SH3GL3: variants seen among roughly 807,000 people sequenced by gnomAD.
The protein encoded by SH3GL3 is endophilin-A3.
Under a neutral mutation model 47.7 loss-of-function variants are expected in SH3GL3, and 33 were observed. That is an observed-to-expected ratio of 0.69 (90% CI 0.52 to 0.92). The LOEUF is 0.92. Among genes scored for constraint, SH3GL3 ranks in the 40% least tolerant of loss-of-function variants. The pLI, the probability that SH3GL3 is intolerant of heterozygous loss-of-function variation, is 0.00. For missense variants in SH3GL3, 363 were observed against 417.8 expected (o/e 0.87, Z 1.14); for synonymous variants, 155 against 148.8 (o/e 1.04, Z -0.30).
intron 8 of SH3GL3, chr15:83,609,246 A>C (rs1450716405): frequency 4.4e-6 from 2 of 456,084 alleles, no homozygotes; most frequent in Non-Finnish European, 8.8e-6. Context: ...TTAATGTTAC[A>C]TAATCGGTTA....
intron 8 of SH3GL3, among the ~76,000 whole-genome samples, chr15:83,600,809 T>A (rs2060360222): frequency 6.6e-6 from 1 of 152,226 alleles, no homozygotes; most frequent in Admixed American, 6.5e-5. Context: ...ACAATATTGA[T>A]TCTGCCCATC....
chr15:83,519,759 C>A (rs1029213523), intron 1 of SH3GL3, among the ~76,000 whole-genome samples: 2 of 152,060 alleles, frequency 1.3e-5, no homozygotes, highest in African/African-American at 4.8e-5. Context: ...CAAGTTTATC[C>A]TTCTTTTCCG....
At chr15:83,525,195 A>G (rs959688227) in intron 1 of SH3GL3, among the ~76,000 whole-genome samples, 1 of 151,914 alleles carries the variant, frequency 6.6e-6, no homozygotes, top group African/African-American at 2.4e-5. Context: ...GTTGATAGCC[A>G]TTCGAATTTG....
chr15:83,568,518 A>G lies in SH3GL3; in HGVS notation c.188-11A>G, dbSNP rs1169447756. 1.9e-6 allele frequency: 3 copies of G among 1,608,876 alleles called. No homozygotes were observed. The highest frequency in any genetic ancestry group is 1.3e-5 in the African/African-American group (1 of 74,926). ...TAACTTTAAAGAATTACAAATGACA[A>G]TGTTTTTAAGCATACAGAGCTAAGC... On this transcript the variant is annotated splice_polypyrimidine_tract_variant and intron_variant, in intron 3 of 8. Coordinates refer to ENST00000427482, the MANE Select transcript of SH3GL3 (RefSeq NM_003027.5).
At chr15:83,470,586 T>A (rs1396104260) in intron 1 of SH3GL3, among the ~76,000 whole-genome samples, 1 of 152,228 alleles carries the variant, frequency 6.6e-6, no homozygotes, top group Non-Finnish European at 1.5e-5. Context: ...CTACTCTACC[T>A]GTCTTCCTTT....
At chr15:83,463,596 T>C (rs1467714524) in intron 1 of SH3GL3, among the ~76,000 whole-genome samples, 2 of 152,162 alleles carry the variant, frequency 1.3e-5, no homozygotes, top group African/African-American at 4.8e-5. Context: ...TAATTTTCTC[T>C]GATGTCTTTT....
chr15:83,571,579 GT>G (rs921970348), intron 4 of SH3GL3, among the ~76,000 whole-genome samples: 59 of 147,582 alleles, frequency 4.0e-4, no homozygotes, highest in Middle Eastern at 3.5e-3. Flanking sequence ...GTATCTTTCT[GT>G]TTTTTTTTTA....
chr15:83,526,623 A>T (rs1025546810), intron 1 of SH3GL3, among the ~76,000 whole-genome samples: 2 of 152,136 alleles, frequency 1.3e-5, no homozygotes, highest in African/African-American at 4.8e-5. Flanking sequence ...ATGAGAACAC[A>T]TGGACTCTTA....
At chr15:83,557,855 C>T (rs184476801) in intron 1 of SH3GL3, among the ~76,000 whole-genome samples, 1 of 152,296 alleles carries the variant, frequency 6.6e-6, no homozygotes, top group African/African-American at 2.4e-5. Flanking sequence ...AACTCTAGCT[C>T]GGAGGAACTG....
intron 1 of SH3GL3, among the ~76,000 whole-genome samples, chr15:83,470,332 C>T (rs1459030129): frequency 6.6e-6 from 1 of 152,190 alleles, no homozygotes; most frequent in Admixed American, 6.5e-5. Flanking sequence ...TCAAGTGATT[C>T]TCCTGCCTCA....
chr15:83,568,973 T>G (rs2082018), intron 4 of SH3GL3, among the ~76,000 whole-genome samples: 15,511 of 150,588 alleles, frequency 0.1, 944 homozygotes, highest in East Asian at 0.24. Context: ...CTTGGCTCAC[T>G]GCAGCCTCCA....
intron 1 of SH3GL3, among the ~76,000 whole-genome samples, chr15:83,467,154 T>C (rs2040606347): frequency 6.6e-6 from 1 of 152,262 alleles, no homozygotes; most frequent in African/African-American, 2.4e-5. Context: ...TGTCTATTTC[T>C]GAAAGTTATA....
intron 6 of SH3GL3, among the ~76,000 whole-genome samples, chr15:83,580,974 T>A (rs886732138): frequency 6.6e-6 from 1 of 152,244 alleles, no homozygotes; most frequent in Non-Finnish European, 1.5e-5. Context: ...AGGGAAATCC[T>A]CTGAGATGGG....
intron 1 of SH3GL3, among the ~76,000 whole-genome samples, chr15:83,528,807 C>A (rs781589805): frequency 2.6e-5 from 4 of 152,024 alleles, no homozygotes; most frequent in Non-Finnish European, 5.9e-5. Flanking sequence ...TAAAAAATTT[C>A]TATTTCATTG....
intron 1 of SH3GL3, among the ~76,000 whole-genome samples, chr15:83,525,932 A>AT (rs1031165534): frequency 2.0e-5 from 3 of 151,816 alleles, no homozygotes; most frequent in South Asian, 2.1e-4. Context: ...TAGTTCTGTA[A>AT]TTTTTTTGAC....
chr15:83,628,057 A>C, the SH3GL3 span, among the ~76,000 whole-genome samples: 1 of 152,302 alleles, frequency 6.6e-6, no homozygotes, highest in South Asian at 2.1e-4. Flanking sequence ...TATAACATTG[A>C]GCTTACCACA....
chr15:83,567,215 A>G (rs1207897371), intron 3 of SH3GL3, among the ~76,000 whole-genome samples: 3 of 152,080 alleles, frequency 2.0e-5, no homozygotes, highest in Non-Finnish European at 4.4e-5. Flanking sequence ...TTGTCCACTG[A>G]TTATGCCACA....
chr15:83,624,120 G>A, the SH3GL3 span, among the ~76,000 whole-genome samples: 3 of 152,180 alleles, frequency 2.0e-5, no homozygotes, highest in African/African-American at 7.2e-5. Flanking sequence ...TGCCGGATGT[G>A]TTTGACCCTC....
intron 1 of SH3GL3, among the ~76,000 whole-genome samples, chr15:83,515,373 A>G (rs142089945): frequency 6.6e-6 from 1 of 152,298 alleles, no homozygotes; most frequent in East Asian, 1.9e-4. Flanking sequence ...TGTATGACAA[A>G]TGGAATCGGA....
Sources: gnomAD v4.1 joint callset for allele counts (sites outside exome capture counted in the v4.1 genomes callset) on GRCh38, gnomAD v4.1.1 for gene constraint, MANE v1.5 for transcripts, NCBI Gene and HGNC (gene_info 2026-07-23, HGNC 2026-07-21) for gene names.